Variants in SLC44A5 observed in about 807,000 individuals in gnomAD.
SLC44A5 encodes choline transporter-like protein 5.
A neutral mutation model predicts 101.8 loss-of-function variants in SLC44A5; 57 were observed. The observed-to-expected ratio is 0.56, with a 90% CI of 0.45 to 0.70. The LOEUF is 0.70. SLC44A5 is among the 30% of genes least tolerant of loss of function. SLC44A5 has a pLI of 0.00. For synonymous variants in SLC44A5, 281 were observed against 290.9 expected (o/e 0.97, Z 0.35); for missense variants, 737 against 853.1 (o/e 0.86, Z 1.70).
At chr1:75,267,725 T>C (rs1290509623) in intron 6 of SLC44A5, among the ~76,000 whole-genome samples, 6 of 152,072 alleles carry the variant, frequency 3.9e-5, no homozygotes, top group African/African-American at 1.4e-4. Context: ...TTTTTTAAAA[T>C]TTTTTTATTT....
At chr1:75,258,363 G>A (rs1650193566) in intron 6 of SLC44A5, among the ~76,000 whole-genome samples, 1 of 152,096 alleles carries the variant, frequency 6.6e-6, no homozygotes, top group Non-Finnish European at 1.5e-5. Context: ...GGGAAGGGGT[G>A]TCTGCCATTG....
intron 9 of SLC44A5, 125 bp downstream of exon 9, chr1:75,241,870 TCAACTC>T (rs1347132245): frequency 3.0e-6 from 2 of 656,348 alleles, no homozygotes; most frequent in Non-Finnish European, 5.1e-6. Flanking sequence ...TTCCTGCTAA[TCAACTC>T]TGGGACTTTA....
At chr1:75,570,180 G>A (rs753718415) in intron 1 of SLC44A5, among the ~76,000 whole-genome samples, 5 of 152,238 alleles carry the variant, frequency 3.3e-5, no homozygotes, top group Non-Finnish European at 7.3e-5. Flanking sequence ...TTCAGGCTAA[G>A]AGCTACAGGT....
chr1:75,269,095 A>C (rs116718167), intron 6 of SLC44A5, among the ~76,000 whole-genome samples: 2,917 of 152,244 alleles, frequency 0.019, 86 homozygotes, highest in African/African-American at 0.067. Flanking sequence ...ACTCTGGCCA[A>C]CACCGGAAAT....
At chr1:75,527,013 T>C (rs61798724) in intron 2 of SLC44A5, among the ~76,000 whole-genome samples, 139 of 151,658 alleles carry the variant, frequency 9.2e-4, no homozygotes, top group Non-Finnish European at 1.8e-3. Context: ...CATGCACCTG[T>C]AATCCCAGCT....
Position 75,240,502 on chromosome 1 carries a change from T to C in SLC44A5, c.532+1499A>G, listed in dbSNP as rs568609562. Among the ~76,000 whole-genome samples, 5 of 152,254 alleles carry C rather than the reference T, an allele frequency of 3.3e-5. No individual in the cohort carries two copies. The East Asian group carries it at 7.7e-4, about 24-fold the overall frequency. On this transcript the variant is annotated intron_variant, in intron 9 of 23. Coordinates refer to ENST00000370859, the MANE Select transcript of SLC44A5 (RefSeq NM_001130058.2). ...TTGTAAGGGCAGAGACTATGTCTTA[T>C]ACCTTTATACCTATTATATCTTTTG...
intron 5 of SLC44A5, among the ~76,000 whole-genome samples, chr1:75,299,041 A>G (rs1654212251): frequency 6.6e-6 from 1 of 152,192 alleles, no homozygotes; most frequent in Non-Finnish European, 1.5e-5. Flanking sequence ...TTTCAATTCT[A>G]TGATGAAAAG....
At chr1:75,541,936 T>C (rs2101953712) in intron 1 of SLC44A5, among the ~76,000 whole-genome samples, 1 of 152,296 alleles carries the variant, frequency 6.6e-6, no homozygotes, top group East Asian at 1.9e-4. Context: ...GACATTTTTG[T>C]TTTGAGTTCA....
chr1:75,618,914 A>G, the SLC44A5 span, among the ~76,000 whole-genome samples: 38 of 152,114 alleles, frequency 2.5e-4, no homozygotes, highest in Admixed American at 2.5e-3. Flanking sequence ...CACAAAAAAT[A>G]CAAAAATTAG....
At chr1:75,453,171 G>A (rs1048944901) in intron 2 of SLC44A5, among the ~76,000 whole-genome samples, 2 of 151,868 alleles carry the variant, frequency 1.3e-5, no homozygotes, top group African/African-American at 2.4e-5. Context: ...TTCAAAAACT[G>A]AACTCATACT....
the SLC44A5 span, among the ~76,000 whole-genome samples, chr1:75,658,302 C>T: frequency 6.6e-6 from 1 of 152,056 alleles, no homozygotes; most frequent in Non-Finnish European, 1.5e-5. Context: ...TCTTGAACTC[C>T]TTGGCTCAAG....
At chr1:75,349,256 T>C (rs942574497) in intron 3 of SLC44A5, among the ~76,000 whole-genome samples, 2 of 152,146 alleles carry the variant, frequency 1.3e-5, no homozygotes, top group Non-Finnish European at 2.9e-5. Flanking sequence ...GGAGGATTGC[T>C]TGAGCCCAGG....
At chr1:75,336,893 C>T (rs983322046) in intron 4 of SLC44A5, among the ~76,000 whole-genome samples, 31 of 152,196 alleles carry the variant, frequency 2.0e-4, no homozygotes, top group African/African-American at 6.5e-4. Flanking sequence ...ATGCAAATAG[C>T]GCAGAGAACT....
intron 5 of SLC44A5, among the ~76,000 whole-genome samples, 200 bp downstream of exon 5, chr1:75,300,412 G>A (rs1425656584): frequency 3.3e-5 from 5 of 152,076 alleles, no homozygotes; most frequent in African/African-American, 4.8e-5. Flanking sequence ...ATTTGGGCTT[G>A]CCTTTGACTA....
intron 2 of SLC44A5, among the ~76,000 whole-genome samples, chr1:75,533,332 G>A (rs1450984736): frequency 1.3e-5 from 2 of 152,146 alleles, no homozygotes; most frequent in Admixed American, 6.6e-5. Context: ...TTGGAGGAAC[G>A]AGGCCCCAAC....
At chr1:75,251,651 T>TTTGAC (rs1649587421) in intron 6 of SLC44A5, among the ~76,000 whole-genome samples, 1 of 152,162 alleles carries the variant, frequency 6.6e-6, no homozygotes, top group African/African-American at 2.4e-5. Flanking sequence ...TATTAACATA[T>TTTGAC]GGTTTGATTT....
chr1:75,587,928 T>A (rs1227765658), intron 1 of SLC44A5, among the ~76,000 whole-genome samples: 1 of 152,148 alleles, frequency 6.6e-6, no homozygotes, highest in Non-Finnish European at 1.5e-5. Context: ...TCTCTCTGTT[T>A]CCTTGCTGTG....
At chr1:75,674,419 G>A in the SLC44A5 span, among the ~76,000 whole-genome samples, 23 of 151,756 alleles carry the variant, frequency 1.5e-4, no homozygotes, top group South Asian at 2.9e-3. Flanking sequence ...TGCTCTTGTC[G>A]CCCAGGCTGG....
chr1:75,238,517 C>A lies in SLC44A5; in HGVS notation c.652G>T (p.Ala218Ser), dbSNP rs189899342. 6.3e-7 allele frequency: 1 copy of A among 1,591,702 alleles called. No individual in the cohort carries two copies. Among genetic ancestry groups the A allele is most frequent in the East Asian group, 2.3e-5 (1 of 43,466 alleles). ...TTAGAATGTAAACACACATACTTTGCAGCAATCCCGAGTTCTACAACACTT... is the reference window on the plus strand; with the variant it reads ...TTAGAATGTAAACACACATACTTTGAAGCAATCCCGAGTTCTACAACACTT... ...TRSVVELGIA[A>S]NGINKLLDAK... Residue 218 changes from alanine (A) to serine (S), a missense_variant, in exon 10 of 24, where the codon GCA (alanine) becomes TCA (serine). Transcript: ENST00000370859.
Sources: allele counts gnomAD v4.1 joint callset (sites outside exome capture counted in the v4.1 genomes callset), GRCh38; gene constraint gnomAD v4.1.1; transcripts MANE v1.5; gene names NCBI Gene and HGNC (gene_info 2026-07-23, HGNC 2026-07-21).